The following AUTS2 variants were observed in gnomAD, a reference collection of about 807,000 sequenced individuals.
The protein encoded by AUTS2 is autism susceptibility gene 2 protein.
Under a neutral mutation model 112.4 loss-of-function variants are expected in AUTS2, and 17 were observed. The ratio of observed to expected loss-of-function variants is 0.15; its 90% confidence interval spans 0.10 to 0.23. AUTS2 has a LOEUF of 0.23. AUTS2 is among the 10% of genes least tolerant of loss of function. AUTS2 has a pLI of 1.00. For missense variants in AUTS2, 1,510 were observed against 1,701.6 expected, an observed-to-expected ratio of 0.89 and a Z score of 1.98; for synonymous variants, 751 against 702.7, an observed-to-expected ratio of 1.07 and a Z score of -1.09.
intron 1 of AUTS2, among the ~76,000 whole-genome samples, chr7:69,656,513 CA>C (rs1795547206): frequency 6.6e-6 from 1 of 151,816 alleles, no homozygotes; most frequent in Non-Finnish European, 1.5e-5. Flanking sequence ...TTTTATTTTA[CA>C]AAAAAGAACA....
intron 4 of AUTS2, among the ~76,000 whole-genome samples, chr7:70,299,873 G>A (rs1197093439): frequency 2.0e-5 from 3 of 151,642 alleles, no homozygotes; most frequent in Non-Finnish European, 4.4e-5. Context: ...GGATCAGCCA[G>A]TCTTAAGTCT....
intron 2 of AUTS2, among the ~76,000 whole-genome samples, chr7:70,085,156 G>C (rs1246924014): frequency 6.6e-6 from 1 of 152,028 alleles, no homozygotes; most frequent in Non-Finnish European, 1.5e-5. Flanking sequence ...GTTTCAAATT[G>C]TGGTGAATAT....
At chr7:69,896,973 A>G (rs1475063729) in intron 1 of AUTS2, among the ~76,000 whole-genome samples, 2 of 152,308 alleles carry the variant, frequency 1.3e-5, no homozygotes, top group South Asian at 2.1e-4. Flanking sequence ...TCAGTTTGCA[A>G]TGATATATTT....
chr7:70,317,695 G>T (rs1317414275), intron 4 of AUTS2, among the ~76,000 whole-genome samples: 5 of 152,272 alleles, frequency 3.3e-5, no homozygotes, highest in African/African-American at 1.2e-4. Context: ...CTTACAAAAA[G>T]CTCCCTCAGG....
intron 5 of AUTS2, among the ~76,000 whole-genome samples, chr7:70,545,113 C>T (rs1800718342): frequency 6.6e-6 from 1 of 152,166 alleles, no homozygotes; most frequent in Non-Finnish European, 1.5e-5. Flanking sequence ...AAATTCAGGC[C>T]TTGAATTTCA....
At chr7:70,210,164 C>G (rs900139397) in intron 4 of AUTS2, among the ~76,000 whole-genome samples, 2 of 152,122 alleles carry the variant, frequency 1.3e-5, no homozygotes, top group Non-Finnish European at 2.9e-5. Context: ...AAGAATAACC[C>G]TTCTCACTTC....
intron 4 of AUTS2, among the ~76,000 whole-genome samples, chr7:70,243,595 G>C (rs532344186): frequency 6.6e-6 from 1 of 152,074 alleles, no homozygotes; most frequent in Non-Finnish European, 1.5e-5. Context: ...TTGAAAGAAA[G>C]TGATGAGTCA....
chr7:69,935,360 T>A (rs1374369623), intron 2 of AUTS2, among the ~76,000 whole-genome samples: 2 of 152,202 alleles, frequency 1.3e-5, no homozygotes, highest in South Asian at 2.1e-4. Context: ...TGAAGGCTAC[T>A]GGCAATAGGG....
chr7:69,749,067 T>A (rs1330232809), intron 1 of AUTS2, among the ~76,000 whole-genome samples: 1 of 152,064 alleles, frequency 6.6e-6, no homozygotes, highest in Admixed American at 6.6e-5. Flanking sequence ...GTCTATAAAT[T>A]GGGAATAATA....
chr7:70,084,201 A>AG lies in AUTS2; in HGVS notation c.523-33924dup, dbSNP rs540443655. ...TACTGTTTGTCCTTTTTTTTGGAGG[A>AG]GGGGGGGTTCTGGCTTCTTTCACTC... On this transcript the variant is annotated intron_variant, in intron 2 of 18. Coordinates refer to ENST00000342771, the MANE Select transcript of AUTS2 (RefSeq NM_015570.4). Among the ~76,000 whole-genome samples, 360 of 151,798 alleles carry AG rather than the reference A, an allele frequency of 2.4e-3. 1 individual carries two copies. The highest frequency in any genetic ancestry group is 4.1e-3 in the Non-Finnish European group (279 of 67,914).
intron 4 of AUTS2, chr7:70,290,238 A>C (rs548634482): frequency 1.0e-6 from 1 of 977,096 alleles, no homozygotes; most frequent in African/African-American, 1.7e-5. Context: ...TTCTGTGTAA[A>C]GGAGAAATAA....
intron 3 of AUTS2, among the ~76,000 whole-genome samples, chr7:70,133,370 A>G (rs1202896154): frequency 6.6e-6 from 1 of 152,206 alleles, no homozygotes. Context: ...ATTTATTTAT[A>G]CATTCATTCA....
intron 5 of AUTS2, among the ~76,000 whole-genome samples, chr7:70,448,475 ACACATTGATCTTCC>A: frequency 6.6e-6 from 1 of 152,306 alleles, no homozygotes; most frequent in East Asian, 1.9e-4. Flanking sequence ...TCACAAGCAC[ACACATTGATCTTCC>A]CTGCTAGATT....
chr7:70,235,934 T>C (rs1322477489), intron 4 of AUTS2, among the ~76,000 whole-genome samples: 1 of 152,206 alleles, frequency 6.6e-6, no homozygotes, highest in African/African-American at 2.4e-5. Flanking sequence ...TCAGATGTCC[T>C]GTCTTCACAG....
intron 2 of AUTS2, among the ~76,000 whole-genome samples, chr7:69,915,812 T>C (rs375099129): frequency 9.2e-5 from 14 of 152,298 alleles, no homozygotes; most frequent in Admixed American, 5.2e-4. Context: ...CTGTACCCTC[T>C]GCCCCCCGGG....
rs112910685 is a variant in AUTS2, at chr7:70,122,607, G to A, written c.624+4374G>A. 4.3e-3 allele frequency among the ~76,000 whole-genome samples: 659 copies of A among 152,068 alleles called. 4 individuals carry two copies. The highest frequency in any genetic ancestry group is 7.3e-3 in the Non-Finnish European group (499 of 67,996). ...TCAAGCCAGTCAATGAAACACTTCC[G>A]ATTCATATTGTTTATTATATTTTAA... On this transcript the variant is annotated intron_variant, in intron 3 of 18. Coordinates refer to ENST00000342771, the MANE Select transcript of AUTS2 (RefSeq NM_015570.4).
chr7:70,123,354 A>G (rs551369568), intron 3 of AUTS2, among the ~76,000 whole-genome samples: 8 of 152,256 alleles, frequency 5.3e-5, no homozygotes, highest in Admixed American at 3.3e-4. Flanking sequence ...AAGGTTTGTA[A>G]TATAGGTAAA....
chr7:69,849,629 TATATAAA>T (rs1361495563), intron 1 of AUTS2, among the ~76,000 whole-genome samples: 22 of 151,770 alleles, frequency 1.4e-4, no homozygotes, highest in African/African-American at 4.8e-4. Context: ...CATTTGTATT[TATATAAA>T]ATATAAAATA....
chr7:70,654,634 C>T (rs1013038765), intron 5 of AUTS2, among the ~76,000 whole-genome samples: 11 of 152,142 alleles, frequency 7.2e-5, no homozygotes, highest in Admixed American at 2.6e-4. Context: ...GGTTAATATT[C>T]TCTAGACTTT....
Sources: allele counts gnomAD v4.1 joint callset (sites outside exome capture counted in the v4.1 genomes callset), GRCh38; gene constraint gnomAD v4.1.1; transcripts MANE v1.5; gene names NCBI Gene and HGNC (gene_info 2026-07-23, HGNC 2026-07-21).